The following MMP16 variants were observed in gnomAD, a reference collection of about 807,000 sequenced individuals.
MMP16 encodes the protein matrix metallopeptidase 16, also known as matrix metalloproteinase-16.
A neutral mutation model predicts 67.8 loss-of-function variants in MMP16; 12 were observed. The ratio of observed to expected loss-of-function variants is 0.18; its 90% confidence interval spans 0.11 to 0.29. MMP16 has a LOEUF of 0.29. Among genes scored for constraint, MMP16 ranks in the 10% least tolerant of loss-of-function variants. The pLI is 1.00. For synonymous variants in MMP16, 249 were observed against 255.9 expected (o/e 0.97, Z 0.26); for missense variants, 475 against 765.7 (o/e 0.62, Z 4.48).
intron 1 of MMP16, among the ~76,000 whole-genome samples, chr8:88,205,624 T>TA (rs1433891686): frequency 1.3e-5 from 2 of 152,194 alleles, no homozygotes; most frequent in East Asian, 1.9e-4. Context: ...TTTTACAGTT[T>TA]AAAAAACCAC....
intron 4 of MMP16, among the ~76,000 whole-genome samples, chr8:88,132,841 T>C (rs1808055181): frequency 6.6e-6 from 1 of 151,886 alleles, no homozygotes; most frequent in Non-Finnish European, 1.5e-5. Flanking sequence ...CCAGTAACAA[T>C]AGTGAATGCT....
At chr8:88,089,684 G>A (rs534386040) in intron 6 of MMP16, among the ~76,000 whole-genome samples, 1 of 152,076 alleles carries the variant, frequency 6.6e-6, no homozygotes, top group Non-Finnish European at 1.5e-5. Context: ...AGGGGAAGAC[G>A]TTCACTTGGG....
At chr8:88,131,216 T>C (rs929358316) in intron 4 of MMP16, among the ~76,000 whole-genome samples, 1 of 151,328 alleles carries the variant, frequency 6.6e-6, no homozygotes, top group Non-Finnish European at 1.5e-5. Flanking sequence ...CCAGGTCTGT[T>C]TGAATACAAA....
intron 3 of MMP16, among the ~76,000 whole-genome samples, chr8:88,171,584 A>G (rs1808804367): frequency 6.6e-6 from 1 of 152,210 alleles, no homozygotes; most frequent in African/African-American, 2.4e-5. Flanking sequence ...TAGAATAAAG[A>G]TAGCTGGTTA....
intron 7 of MMP16, among the ~76,000 whole-genome samples, chr8:88,067,304 A>T (rs1563522034): frequency 6.6e-6 from 1 of 152,138 alleles, no homozygotes; most frequent in East Asian, 1.9e-4. Flanking sequence ...ATTCATAATC[A>T]ACATGCTCTG....
At chr8:88,299,943 C>G (rs1365448335) in intron 1 of MMP16, among the ~76,000 whole-genome samples, 1 of 152,066 alleles carries the variant, frequency 6.6e-6, no homozygotes, top group Non-Finnish European at 1.5e-5. Flanking sequence ...TTTGTGTGTG[C>G]TAGGTACTAA....
chr8:88,168,267 G>A (rs1808746208), intron 3 of MMP16, among the ~76,000 whole-genome samples: 1 of 152,060 alleles, frequency 6.6e-6, no homozygotes, highest in Non-Finnish European at 1.5e-5. Flanking sequence ...AAAGAGAAAG[G>A]CAGATTTGCC....
At chr8:88,253,772 A>G (rs1167666013) in intron 1 of MMP16, among the ~76,000 whole-genome samples, 4 of 151,996 alleles carry the variant, frequency 2.6e-5, no homozygotes, top group Non-Finnish European at 1.5e-5. Flanking sequence ...AATCTACTCA[A>G]TTTTTCTCAC....
At position 88,148,637 on chromosome 8, in the gene MMP16, G is replaced by A. The variant is rs980879616; in HGVS notation, c.709+19032C>T. Among the ~76,000 whole-genome samples the A allele has an allele frequency of 9.2e-5, 14 of 152,164 alleles. No individual in the cohort carries two copies. The East Asian group carries it at 2.5e-3, about 27-fold the overall frequency. ...CTCACCACTCAAAACTCTAGTTTTAGCTCACTGTTTTACTGATCATTTGGA... is the reference window on the plus strand; with the variant it reads ...CTCACCACTCAAAACTCTAGTTTTAACTCACTGTTTTACTGATCATTTGGA... On this transcript the variant is annotated intron_variant, in intron 4 of 9. Transcript: ENST00000286614.
intron 2 of MMP16, among the ~76,000 whole-genome samples, chr8:88,192,282 C>A (rs1377692437): frequency 6.6e-6 from 1 of 152,124 alleles, no homozygotes; most frequent in Non-Finnish European, 1.5e-5. Flanking sequence ...TTTCTTTTAT[C>A]TACAGACTCA....
intron 1 of MMP16, among the ~76,000 whole-genome samples, chr8:88,199,816 T>A (rs966480780): frequency 3.3e-5 from 5 of 152,066 alleles, no homozygotes; most frequent in African/African-American, 1.2e-4. Flanking sequence ...CCTGTTTTCA[T>A]CATTGTCTTA....
chr8:88,042,392 G>A (rs576128014), intron 9 of MMP16, among the ~76,000 whole-genome samples: 1 of 152,226 alleles, frequency 6.6e-6, no homozygotes, highest in Admixed American at 6.5e-5. Flanking sequence ...AACTGGAGGG[G>A]CTTTCATTTG....
intron 6 of MMP16, among the ~76,000 whole-genome samples, chr8:88,103,265 G>A (rs1809175443): frequency 6.6e-6 from 1 of 151,710 alleles, no homozygotes; most frequent in Non-Finnish European, 1.5e-5. Flanking sequence ...GTACATTCGT[G>A]TATTACAGAA....
chr8:88,147,311 T>C (rs1379835760), intron 4 of MMP16, among the ~76,000 whole-genome samples: 2 of 152,062 alleles, frequency 1.3e-5, no homozygotes, highest in South Asian at 2.1e-4. Flanking sequence ...TAAAATAATA[T>C]AAGGATCTGA....
intron 4 of MMP16, among the ~76,000 whole-genome samples, chr8:88,131,236 C>T (rs1049773705): frequency 9.3e-5 from 14 of 150,244 alleles, no homozygotes; most frequent in Admixed American, 6.7e-5. Context: ...AGTCTTTCTT[C>T]CCTATGCTGA....
At chr8:88,240,237 A>G (rs1810013455) in intron 1 of MMP16, among the ~76,000 whole-genome samples, 1 of 152,220 alleles carries the variant, frequency 6.6e-6, no homozygotes, top group African/African-American at 2.4e-5. Context: ...ATGTGTGTCA[A>G]TGGGCTCGGC....
At chr8:88,219,794 T>A (rs1294835705) in intron 1 of MMP16, among the ~76,000 whole-genome samples, 1 of 152,164 alleles carries the variant, frequency 6.6e-6, no homozygotes, top group Non-Finnish European at 1.5e-5. Flanking sequence ...TACACTAGCA[T>A]CCTTAATGCC....
At chr8:88,320,856 C>T (rs978916665) in intron 1 of MMP16, among the ~76,000 whole-genome samples, 1 of 152,116 alleles carries the variant, frequency 6.6e-6, no homozygotes, top group African/African-American at 2.4e-5. Flanking sequence ...TCATGTGGCT[C>T]ATCAAGCTAT....
At chr8:88,042,475 T>A (rs895206259) in intron 9 of MMP16, among the ~76,000 whole-genome samples, 10 of 152,190 alleles carry the variant, frequency 6.6e-5, no homozygotes, top group African/African-American at 2.4e-4. Flanking sequence ...TGGCTCTAGG[T>A]CATAAACATT....
Sources: allele counts gnomAD v4.1 joint callset (sites outside exome capture counted in the v4.1 genomes callset), GRCh38; gene constraint gnomAD v4.1.1; transcripts MANE v1.5; gene names NCBI Gene and HGNC (gene_info 2026-07-23, HGNC 2026-07-21).